KALRN: variants seen among roughly 807,000 people sequenced by gnomAD.
The protein encoded by KALRN is kalirin.
A neutral mutation model predicts 353.7 loss-of-function variants in KALRN; 70 were observed. That is an observed-to-expected ratio of 0.20 (90% confidence interval 0.16 to 0.24). The LOEUF (loss-of-function observed/expected upper bound fraction) is 0.24, where lower values mean the gene tolerates loss of function less well. KALRN is among the 10% of genes least tolerant of loss of function. The pLI, the probability that KALRN is intolerant of heterozygous loss-of-function variation, is 1.00. For synonymous variants in KALRN, 1,391 were observed against 1,434.8 expected, an observed-to-expected ratio of 0.97 and a Z score of 0.69; for missense variants, 2,791 against 3,756.7, an observed-to-expected ratio of 0.74 and a Z score of 6.72.
At chr3:124,191,308 G>T (rs575501778) in intron 1 of KALRN, among the ~76,000 whole-genome samples, 1 of 151,868 alleles carries the variant, frequency 6.6e-6, no homozygotes, top group Non-Finnish European at 1.5e-5. Context: ...CCCTCTCCCT[G>T]CCCCACTCCT....
chr3:124,045,617 G>A (rs1324537142), intron 1 of KALRN, among the ~76,000 whole-genome samples: 1 of 152,150 alleles, frequency 6.6e-6, no homozygotes, highest in Non-Finnish European at 1.5e-5. Flanking sequence ...TCAGTGAGCA[G>A]ATCTCTTCAT....
chr3:124,106,358 G>A, intron 1 of KALRN, among the ~76,000 whole-genome samples: 1 of 152,180 alleles, frequency 6.6e-6, no homozygotes, highest in East Asian at 1.9e-4. Flanking sequence ...CCTTGGATAG[G>A]TGCTTACTGC....
chr3:124,266,527 CA>C (rs1258821631), intron 4 of KALRN, among the ~76,000 whole-genome samples: 7 of 152,148 alleles, frequency 4.6e-5, no homozygotes, highest in Non-Finnish European at 5.9e-5. Flanking sequence ...GTATTCCAGC[CA>C]AATATAAACT....
chr3:124,154,471 A>G (rs1415017964), intron 1 of KALRN, among the ~76,000 whole-genome samples: 1 of 152,216 alleles, frequency 6.6e-6, no homozygotes, highest in Non-Finnish European at 1.5e-5. Flanking sequence ...CGAATAACAG[A>G]CAAACAGAGA....
At chr3:124,457,797 C>T (rs2059466579) in intron 23 of KALRN, among the ~76,000 whole-genome samples, 3 of 152,124 alleles carry the variant, frequency 2.0e-5, no homozygotes, top group African/African-American at 7.2e-5. Flanking sequence ...TGTCTCTCAC[C>T]AGCTTCAAAT....
intron 13 of KALRN, among the ~76,000 whole-genome samples, chr3:124,406,518 T>C (rs1184177696): frequency 6.6e-6 from 1 of 152,204 alleles, no homozygotes; most frequent in Non-Finnish European, 1.5e-5. Flanking sequence ...ATATTTGTCT[T>C]CCACTTTCCT....
chr3:124,546,009 A>G (rs1045902736), intron 33 of KALRN, among the ~76,000 whole-genome samples: 1 of 152,188 alleles, frequency 6.6e-6, no homozygotes, highest in African/African-American at 2.4e-5. Context: ...CCCTTAATAT[A>G]AACAGAAGCA....
At chr3:124,600,350 G>A (rs1202541436) in intron 34 of KALRN, among the ~76,000 whole-genome samples, 1 of 152,304 alleles carries the variant, frequency 6.6e-6, no homozygotes, top group South Asian at 2.1e-4. Context: ...CAGATCCTTG[G>A]TTTATGAGAT....
intron 10 of KALRN, among the ~76,000 whole-genome samples, chr3:124,370,391 G>T (rs1228658253): frequency 6.6e-6 from 1 of 152,200 alleles, no homozygotes; most frequent in Non-Finnish European, 1.5e-5. Flanking sequence ...GGACTGTCTG[G>T]TGAAGCTTCT....
At chr3:124,591,819 C>A (rs13068227) in intron 34 of KALRN, among the ~76,000 whole-genome samples, 23,335 of 152,118 alleles carry the variant, frequency 0.15, 1,901 homozygotes, top group Middle Eastern at 0.19. Flanking sequence ...AATTTAATGG[C>A]CCTGGCTCAA....
At chr3:124,324,823 T>G (rs2079707078) in intron 6 of KALRN, among the ~76,000 whole-genome samples, 1 of 152,182 alleles carries the variant, frequency 6.6e-6, no homozygotes, top group African/African-American at 2.4e-5. Context: ...ATGAACTACA[T>G]CTGAGCTAAC....
chr3:124,498,768 A>G (rs1338230008), intron 33 of KALRN, among the ~76,000 whole-genome samples: 1 of 152,030 alleles, frequency 6.6e-6, no homozygotes, highest in East Asian at 1.9e-4. Flanking sequence ...TTCTAACACA[A>G]AACAGTGATA....
intron 3 of KALRN, among the ~76,000 whole-genome samples, chr3:124,262,399 C>A (rs2073005589): frequency 6.6e-6 from 1 of 152,184 alleles, no homozygotes; most frequent in Non-Finnish European, 1.5e-5. Flanking sequence ...GTGTAATTAT[C>A]AGGTGTTTCT....
chr3:124,497,039 T>C (rs1173848314), intron 33 of KALRN, among the ~76,000 whole-genome samples: 1 of 152,166 alleles, frequency 6.6e-6, no homozygotes, highest in Non-Finnish European at 1.5e-5. Flanking sequence ...GCCTGGCCAC[T>C]TGCTTTCTAA....
chr3:124,672,149 T>C (rs1350952797), intron 48 of KALRN, among the ~76,000 whole-genome samples: 1 of 152,200 alleles, frequency 6.6e-6, no homozygotes, highest in Non-Finnish European at 1.5e-5. Context: ...GGTTTCACCA[T>C]GTTGGCCAGG....
At chr3:124,264,773 T>C (rs2073305217) in intron 4 of KALRN, 83 bp downstream of exon 4, 3 of 1,200,274 alleles carry the variant, frequency 2.5e-6, no homozygotes, top group Non-Finnish European at 2.4e-6. Context: ...CTTCTCTATC[T>C]ACCATACAGT....
intron 1 of KALRN, among the ~76,000 whole-genome samples, chr3:124,210,428 T>G (rs1471911212): frequency 6.6e-6 from 1 of 152,190 alleles, no homozygotes; most frequent in Non-Finnish European, 1.5e-5. Flanking sequence ...ATATGGTATT[T>G]CCCCAGCATG....
chr3:124,312,349 T>C (rs2078357881), intron 6 of KALRN, among the ~76,000 whole-genome samples: 2 of 152,022 alleles, frequency 1.3e-5, no homozygotes, highest in Admixed American at 6.6e-5. Context: ...TTAGTAGAGA[T>C]GGGGTTTCGC....
intron 1 of KALRN, among the ~76,000 whole-genome samples, chr3:124,104,271 A>C (rs1381184302): frequency 1.3e-5 from 2 of 152,216 alleles, no homozygotes; most frequent in Non-Finnish European, 2.9e-5. Flanking sequence ...GCTTTGCTCT[A>C]CCCAAGGCTC....
Sources: allele counts gnomAD v4.1 joint callset (sites outside exome capture counted in the v4.1 genomes callset), GRCh38; gene constraint gnomAD v4.1.1; transcripts MANE v1.5; gene names NCBI Gene and HGNC (gene_info 2026-07-23, HGNC 2026-07-21).